JARID2: variants seen among roughly 807,000 people sequenced by gnomAD.
The protein encoded by JARID2 is jumonji and AT-rich interaction domain containing 2.
JARID2 carries 21 observed loss-of-function variants against 125.6 expected under a neutral mutation model. The observed-to-expected ratio is 0.17, with a 90% confidence interval of 0.12 to 0.24. The LOEUF (loss-of-function observed/expected upper bound fraction) is 0.24. Ranked by LOEUF, JARID2 falls within the 10% of genes least tolerant of loss-of-function variation. The pLI is 1.00. For missense variants in JARID2, 1,303 were observed against 1,639.6 expected (o/e 0.79, Z 3.55); for synonymous variants, 736 against 661.6 (o/e 1.11, Z -1.73).
intron 3 of JARID2, among the ~76,000 whole-genome samples, chr6:15,412,350 C>T (rs1466836018): frequency 5.3e-5 from 8 of 151,994 alleles, no homozygotes; most frequent in Non-Finnish European, 1.0e-4. Context: ...GCTCTGTCAC[C>T]CGGGCTGGAG....
intron 1 of JARID2, among the ~76,000 whole-genome samples, chr6:15,328,897 G>T (rs768260807): frequency 2.0e-5 from 3 of 152,260 alleles, no homozygotes; most frequent in Non-Finnish European, 2.9e-5. Context: ...GGCCCCACCT[G>T]TGTGGGGATG....
intron 1 of JARID2, among the ~76,000 whole-genome samples, chr6:15,297,379 A>G (rs898468393): frequency 1.3e-5 from 2 of 150,494 alleles, no homozygotes; most frequent in African/African-American, 4.9e-5. Context: ...TGAACTCCTG[A>G]CCTCATGATC....
At position 15,366,583 on chromosome 6, in the gene JARID2, A is replaced by G. The variant is rs1236624127; in HGVS notation, c.46-7534A>G. Among the ~76,000 whole-genome samples the G allele has an allele frequency of 2.6e-5, 4 of 151,326 alleles. No homozygotes were observed. In the East Asian group the frequency reaches 7.8e-4, roughly 30 times the overall value. On this transcript the variant is annotated intron_variant, in intron 1 of 17. Coordinates refer to ENST00000341776, the MANE Select transcript of JARID2 (RefSeq NM_004973.4). ...TGTCTTAGCATTTCTGTGAATTTTA[A>G]TAAAGAGGCTCTGTGTTAGGAGATC... is the stretch of plus-strand genomic sequence containing the variant.
chr6:15,340,292 T>G (rs949378302), intron 1 of JARID2, among the ~76,000 whole-genome samples: 2 of 152,222 alleles, frequency 1.3e-5, no homozygotes, highest in Non-Finnish European at 2.9e-5. Context: ...ACTTTACAAA[T>G]GAAGGAAGCT....
intron 1 of JARID2, among the ~76,000 whole-genome samples, chr6:15,329,657 G>T (rs1318301318): frequency 1.3e-5 from 2 of 152,206 alleles, no homozygotes; most frequent in African/African-American, 4.8e-5. Context: ...CAGCCATTCG[G>T]ATTTTATCTT....
At chr6:15,252,424 G>A (rs1229987496) in intron 1 of JARID2, among the ~76,000 whole-genome samples, 1 of 151,890 alleles carries the variant, frequency 6.6e-6, no homozygotes, top group East Asian at 1.9e-4. Context: ...CTTAATCCCC[G>A]CATGCTAAAC....
At chr6:15,357,477 A>G in intron 1 of JARID2, among the ~76,000 whole-genome samples, 1 of 152,234 alleles carries the variant, frequency 6.6e-6, no homozygotes, top group East Asian at 1.9e-4. Context: ...ACTGATACTC[A>G]AAATGGGTCT....
intron 1 of JARID2, among the ~76,000 whole-genome samples, chr6:15,266,514 T>C (rs1760089647): frequency 6.6e-6 from 1 of 152,150 alleles, no homozygotes; most frequent in Admixed American, 6.5e-5. Context: ...AGTTTCATGG[T>C]CATTGTTGTC....
At chr6:15,294,734 T>G (rs972259164) in intron 1 of JARID2, among the ~76,000 whole-genome samples, 1 of 152,132 alleles carries the variant, frequency 6.6e-6, no homozygotes, top group Non-Finnish European at 1.5e-5. Flanking sequence ...GTAGAACCAA[T>G]ACATTGTACA....
intron 2 of JARID2, among the ~76,000 whole-genome samples, chr6:15,402,998 C>T (rs1765497562): frequency 6.6e-6 from 1 of 152,022 alleles, no homozygotes; most frequent in African/African-American, 2.4e-5. Flanking sequence ...GTTTATAATT[C>T]AGTCATTATT....
rs1377539996 is a variant in JARID2, at chr6:15,508,361, AT to A, written c.2754del (p.Asn918LysfsTer67). On this transcript the variant is annotated frameshift_variant, in exon 12 of 18. Coordinates refer to ENST00000341776, the MANE Select transcript of JARID2 (RefSeq NM_004973.4). LOFTEE classifies it high-confidence loss of function. ...TTAGGAGTGACTATTCCCTGGCTAA[AT>A]ATTGGCATGGTCTTTTCTACCTCAT... Reference protein sequence around the residue: ...AVPGVTIPWLNIGMVFSTSCW... With the variant: ...AVPGVTIPWLXIGMVFSTSCW... 6.2e-7 allele frequency: 1 copy of A among 1,604,482 alleles called. No homozygotes were observed. The highest frequency in any genetic ancestry group is 8.5e-7 in the Non-Finnish European group (1 of 1,171,286).
intron 1 of JARID2, among the ~76,000 whole-genome samples, chr6:15,353,102 ACCTTTTGAGTAATAG>A (rs1273864077): frequency 1.3e-5 from 2 of 152,108 alleles, no homozygotes; most frequent in East Asian, 1.9e-4. Context: ...CAACTGTTTA[ACCTTTTGAGTAATAG>A]CCTTTTGAGT....
chr6:15,390,190 A>G (rs1764944819), intron 2 of JARID2, among the ~76,000 whole-genome samples: 1 of 152,150 alleles, frequency 6.6e-6, no homozygotes, highest in Non-Finnish European at 1.5e-5. Flanking sequence ...GTCCACTTGC[A>G]TTTCAGTCTG....
At chr6:15,257,359 C>T (rs1581331812) in intron 1 of JARID2, among the ~76,000 whole-genome samples, 1 of 152,170 alleles carries the variant, frequency 6.6e-6, no homozygotes, top group Non-Finnish European at 1.5e-5. Context: ...ACTGGACATT[C>T]CTCTACTTGC....
intron 1 of JARID2, among the ~76,000 whole-genome samples, chr6:15,276,541 C>T (rs12175318): frequency 0.073 from 11,046 of 152,224 alleles, 471 homozygotes; most frequent in East Asian, 0.15. Flanking sequence ...CCAGCTCAGC[C>T]GCTTCCATTT....
chr6:15,501,040 G>C lies in JARID2; in HGVS notation c.2079G>C (p.Arg693=). The stretch of plus-strand genomic sequence containing the variant: ...GCATCCCCAGAACTGCCCAGGACCG[G>C]CTGGCCAAGCTGCAGGAGGCCTACT... ...MLRIPRTAQD[R]LAKLQEAYCQ... Residue 693 remains arginine, a synonymous_variant, in exon 8 of 18, where the codon CGG becomes CGC. Coordinates refer to ENST00000341776, the MANE Select transcript of JARID2 (RefSeq NM_004973.4). 1 of 1,614,162 alleles carries C rather than the reference G, an allele frequency of 6.2e-7. No individual in the cohort carries two copies.
At chr6:15,268,193 C>T (rs562549738) in intron 1 of JARID2, among the ~76,000 whole-genome samples, 2 of 152,256 alleles carry the variant, frequency 1.3e-5, no homozygotes, top group South Asian at 2.1e-4. Context: ...ATTGGCTTTT[C>T]GTAAGGGTAG....
intron 13 of JARID2, among the ~76,000 whole-genome samples, chr6:15,511,994 C>T (rs916876369): frequency 6.6e-6 from 1 of 152,230 alleles, no homozygotes; most frequent in African/African-American, 2.4e-5. Context: ...GTGTGGTCAT[C>T]ATGTCCTCAG....
At chr6:15,380,497 C>T (rs1014602303) in intron 2 of JARID2, among the ~76,000 whole-genome samples, 4 of 152,294 alleles carry the variant, frequency 2.6e-5, no homozygotes, top group African/African-American at 4.8e-5. Flanking sequence ...GTCAGACACA[C>T]AGATGCATCC....
Sources: gnomAD v4.1 joint callset for allele counts (sites outside exome capture counted in the v4.1 genomes callset) on GRCh38, gnomAD v4.1.1 for gene constraint, MANE v1.5 for transcripts, NCBI Gene and HGNC (gene_info 2026-07-23, HGNC 2026-07-21) for gene names.